CPLX4: variants seen among roughly 807,000 people sequenced by gnomAD.
The protein encoded by CPLX4 is complexin-4.
Under a neutral mutation model 16.1 loss-of-function variants are expected in CPLX4, and 17 were observed. That is an observed-to-expected ratio of 1.06 (90% CI 0.72 to 1.59). The LOEUF (loss-of-function observed/expected upper bound fraction) is 1.59, where lower values mean the gene tolerates loss of function less well. Ranked by LOEUF, CPLX4 falls within the 40% of genes most tolerant of loss-of-function variation. The pLI, the probability that CPLX4 is intolerant of heterozygous loss-of-function variation, is 0.00. For synonymous variants in CPLX4, 55 were observed against 57.8 expected, an observed-to-expected ratio of 0.95 and a Z score of 0.22; for missense variants, 193 against 192.9, an observed-to-expected ratio of 1.00 and a Z score of 0.00.
chr18:59,296,600 G>A lies in CPLX4; in HGVS notation c.*98C>T, dbSNP rs1028126659. The stretch of plus-strand genomic sequence containing the variant: ...ATGGATCATCGTGGTTTTCCTAACT[G>A]TGTTCACTACATTAAAACATGTACT... On this transcript the variant is annotated 3_prime_UTR_variant, in exon 3 of 3. Coordinates refer to ENST00000299721, the MANE Select transcript of CPLX4 (RefSeq NM_181654.4). 7.6e-7 allele frequency: 1 copy of A among 1,321,352 alleles called. No individual in the cohort carries two copies. Among genetic ancestry groups the A allele is most frequent in the Non-Finnish European group, 1.1e-6 (1 of 951,500 alleles). The allele number at this position is 1,321,352 out of a possible 1,614,324, so 81.9% of individuals were successfully genotyped here.
At chr18:59,301,203 G>T (rs548955778) in intron 2 of CPLX4, among the ~76,000 whole-genome samples, 1 of 152,342 alleles carries the variant, frequency 6.6e-6, no homozygotes, top group East Asian at 1.9e-4. Context: ...AGGGCGTTTG[G>T]GGTCCTAAGC....
chr18:59,310,292 G>T (rs1040950627), intron 2 of CPLX4, among the ~76,000 whole-genome samples: 4 of 152,114 alleles, frequency 2.6e-5, no homozygotes, highest in Non-Finnish European at 5.9e-5. Flanking sequence ...TCTCCAGAGA[G>T]GACCTGGATT....
chr18:59,308,698 C>T (rs1174777364), intron 2 of CPLX4, among the ~76,000 whole-genome samples: 3 of 152,174 alleles, frequency 2.0e-5, no homozygotes, highest in African/African-American at 4.8e-5. Flanking sequence ...TCGGGGCCCG[C>T]GCTGGCGACC....
intron 2 of CPLX4, among the ~76,000 whole-genome samples, chr18:59,299,796 C>T (rs2070527680): frequency 6.6e-6 from 1 of 152,160 alleles, no homozygotes. Context: ...ACAACAGCAT[C>T]AACATCTTTT....
At chr18:59,317,172 C>T (rs2070656644) in intron 1 of CPLX4, among the ~76,000 whole-genome samples, 1 of 152,130 alleles carries the variant, frequency 6.6e-6, no homozygotes, top group Admixed American at 6.5e-5. Flanking sequence ...AGTCTTTGTA[C>T]TTTCTTTGTT....
At chr18:59,297,659 C>T (rs2070511071) in intron 2 of CPLX4, among the ~76,000 whole-genome samples, 1 of 152,218 alleles carries the variant, frequency 6.6e-6, no homozygotes, top group Non-Finnish European at 1.5e-5. Flanking sequence ...CCAACTCTGC[C>T]TAAGGGCAGC....
intron 2 of CPLX4, among the ~76,000 whole-genome samples, chr18:59,306,915 A>G (rs1201443962): frequency 6.6e-6 from 1 of 152,176 alleles, no homozygotes. Context: ...GGCTGTTAAT[A>G]CTATTACTAT....
intron 2 of CPLX4, among the ~76,000 whole-genome samples, chr18:59,299,510 G>A (rs575068614): frequency 1.9e-4 from 29 of 152,208 alleles, no homozygotes; most frequent in African/African-American, 6.3e-4. Context: ...ATAAAACACC[G>A]AACACACTCA....
At chr18:59,297,076 A>G in intron 2 of CPLX4, 151 bp from the exon 3 acceptor site, 4 of 1,291,110 alleles carry the variant, frequency 3.1e-6, no homozygotes, top group Non-Finnish European at 4.1e-6. Context: ...TCCTGATGGC[A>G]GTTGTGGGGG....
chr18:59,306,942 T>C (rs2070580617), intron 2 of CPLX4, among the ~76,000 whole-genome samples: 1 of 152,180 alleles, frequency 6.6e-6, no homozygotes, highest in Non-Finnish European at 1.5e-5. Flanking sequence ...TTACCCAATA[T>C]GGGCTTTAGA....
chr18:59,299,089 G>A lies in CPLX4; in HGVS notation c.256-2164C>T, dbSNP rs146921355. On this transcript the variant is annotated intron_variant, in intron 2 of 2. Coordinates refer to ENST00000299721, the MANE Select transcript of CPLX4 (RefSeq NM_181654.4). ...GCCTTGGGCCCTCCAAGTGCTTAAC[G>A]GATTAATTAGTTCCTGGTCAAACTG... Among the ~76,000 whole-genome samples the A allele has an allele frequency of 9.8e-5, 15 of 152,338 alleles. No individual in the cohort carries two copies. The East Asian group carries it at 2.5e-3, about 25-fold the overall frequency.
chr18:59,317,882 T>C (rs998488404), intron 1 of CPLX4, among the ~76,000 whole-genome samples: 1 of 151,886 alleles, frequency 6.6e-6, no homozygotes, highest in African/African-American at 2.4e-5. Context: ...TTTTAGGCCC[T>C]TTTCTAGGTA....
chr18:59,298,095 T>TA lies in CPLX4; in HGVS notation c.256-1171_256-1170insT, dbSNP rs1409937362. On this transcript the variant is annotated intron_variant, in intron 2 of 2. Coordinates refer to ENST00000299721, the MANE Select transcript of CPLX4 (RefSeq NM_181654.4). Reference sequence around the variant, plus strand: ...TGCCTGGTCTTTGAGATTCCTTTATTTTTTTTTTTTTTTAGACAGGGTCTC... The same window carrying TA: ...TGCCTGGTCTTTGAGATTCCTTTATTATTTTTTTTTTTTTAGACAGGGTCTC... Among the ~76,000 whole-genome samples the TA allele has an allele frequency of 4.0e-3, 529 of 132,182 alleles. 3 individuals carry two copies. Among genetic ancestry groups the TA allele is most frequent in the African/African-American group, 0.017 (510 of 30,470 alleles). 86.7% of individuals were successfully genotyped at this position (132,182 alleles called of 152,430 possible).
intron 1 of CPLX4, among the ~76,000 whole-genome samples, chr18:59,314,252 C>T (rs2070637475): frequency 6.6e-6 from 1 of 152,116 alleles, no homozygotes; most frequent in African/African-American, 2.4e-5. Flanking sequence ...GACCTTTTCT[C>T]CCCATGTTTT....
rs1312063161 is a variant in CPLX4 at position 59,296,885 on chromosome 18, T to A, written c.296A>T (p.Asp99Val). Residue 99 changes from aspartate (D) to valine (V), a missense_variant, in exon 3 of 3, where the codon GAT becomes GTT. Coordinates refer to ENST00000299721, the MANE Select transcript of CPLX4 (RefSeq NM_181654.4). ...CCGGAGATCTTCAGGTAAATCCACA[T>A]CATCTCCAGCCATCTGGATTTGATT... is the stretch of plus-strand genomic sequence containing the variant. ...DENQIQMAGD[D>V]VDLPEDLRKM... is the part of the protein sequence containing the mutation. 3 of 1,613,034 alleles carry A rather than the reference T, an allele frequency of 1.9e-6. No homozygotes were observed. Among genetic ancestry groups the A allele is most frequent in the Non-Finnish European group, 2.5e-6 (3 of 1,179,892 alleles).
chr18:59,313,123 C>T (rs992781548), intron 1 of CPLX4, among the ~76,000 whole-genome samples: 4 of 152,170 alleles, frequency 2.6e-5, no homozygotes, highest in African/African-American at 9.7e-5. Context: ...ATGCAGCTTC[C>T]TGGGCCTGAT....
intron 2 of CPLX4, among the ~76,000 whole-genome samples, chr18:59,301,611 C>A (rs987030502): frequency 4.6e-5 from 7 of 152,216 alleles, no homozygotes; most frequent in African/African-American, 1.7e-4. Context: ...CCTCTGGAAC[C>A]AAATGTGGGC....
chr18:59,315,889 T>C (rs2070648148), intron 1 of CPLX4, among the ~76,000 whole-genome samples: 2 of 152,190 alleles, frequency 1.3e-5, no homozygotes, highest in South Asian at 4.1e-4. Flanking sequence ...ATTCCAGTCC[T>C]CCAGAGCCAG....
intron 2 of CPLX4, among the ~76,000 whole-genome samples, chr18:59,297,888 G>C (rs1284468909): frequency 6.6e-6 from 1 of 152,100 alleles, no homozygotes; most frequent in South Asian, 2.1e-4. Flanking sequence ...ACTTTCCACC[G>C]TTAGCACCTG....
Sources: allele counts gnomAD v4.1 joint callset (sites outside exome capture counted in the v4.1 genomes callset), GRCh38; gene constraint gnomAD v4.1.1; transcripts MANE v1.5; gene names NCBI Gene and HGNC (gene_info 2026-07-23, HGNC 2026-07-21).